Variants in SLC24A2 observed in about 807,000 individuals in gnomAD.
SLC24A2 encodes solute carrier family 24 member 2, also known as sodium/potassium/calcium exchanger 2.
In SLC24A2, 36 loss-of-function variants were observed where a neutral mutation model predicts 62.0. The ratio of observed to expected loss-of-function variants is 0.58; its 90% CI spans 0.44 to 0.77. The LOEUF (loss-of-function observed/expected upper bound fraction) is 0.77. Among genes scored for constraint, SLC24A2 ranks in the 30% least tolerant of loss-of-function variants. SLC24A2 has a pLI of 0.00. For missense variants in SLC24A2, 846 were observed against 817.9 expected, an observed-to-expected ratio of 1.03 and a Z score of -0.42; for synonymous variants, 358 against 294.0, an observed-to-expected ratio of 1.22 and a Z score of -2.23.
chr9:20,245,747 C>A, the SLC24A2 span, among the ~76,000 whole-genome samples: 3 of 152,150 alleles, frequency 2.0e-5, 1 homozygote, highest in Admixed American at 2.0e-4. Flanking sequence ...AGATGGTAAA[C>A]TTAACAACAA....
intron 2 of SLC24A2, among the ~76,000 whole-genome samples, chr9:19,653,576 A>T (rs894372739): frequency 6.6e-6 from 1 of 152,216 alleles, no homozygotes; most frequent in Non-Finnish European, 1.5e-5. Flanking sequence ...TACTGAAGTT[A>T]CCCAAATGGC....
chr9:20,046,432 G>A, the SLC24A2 span, among the ~76,000 whole-genome samples: 2 of 152,202 alleles, frequency 1.3e-5, no homozygotes, highest in African/African-American at 2.4e-5. Context: ...CAATGCCAAG[G>A]GCTTTTTTAT....
the SLC24A2 span, among the ~76,000 whole-genome samples, chr9:20,078,497 G>A: frequency 6.6e-6 from 1 of 152,118 alleles, no homozygotes; most frequent in Non-Finnish European, 1.5e-5. Context: ...AGATGGTCAG[G>A]TTTATCTTGT....
chr9:19,771,812 T>C (rs1001426737), intron 2 of SLC24A2, among the ~76,000 whole-genome samples: 1 of 152,208 alleles, frequency 6.6e-6, no homozygotes, highest in Non-Finnish European at 1.5e-5. Context: ...ATTACTGCTA[T>C]TGTTATTTTT....
chr9:19,955,844 T>C, the SLC24A2 span, among the ~76,000 whole-genome samples: 1 of 152,194 alleles, frequency 6.6e-6, no homozygotes. Context: ...TCTTCTTTTC[T>C]TAAAAAAAAC....
chr9:19,597,998 T>C (rs987534564), intron 4 of SLC24A2, among the ~76,000 whole-genome samples: 1 of 152,100 alleles, frequency 6.6e-6, no homozygotes, highest in Non-Finnish European at 1.5e-5. Context: ...GTACACATCA[T>C]CAATGGACTC....
chr9:20,248,260 T>C, the SLC24A2 span, among the ~76,000 whole-genome samples: 1 of 152,238 alleles, frequency 6.6e-6, no homozygotes, highest in Non-Finnish European at 1.5e-5. Flanking sequence ...ATGGATTTTA[T>C]ACATCGAGGA....
chr9:19,990,834 G>T, the SLC24A2 span, among the ~76,000 whole-genome samples: 1 of 134,920 alleles, frequency 7.4e-6, no homozygotes, highest in Non-Finnish European at 1.6e-5. Context: ...TTGTTACCTA[G>T]TAGCTGTCTT....
chr9:19,996,913 T>G, the SLC24A2 span, among the ~76,000 whole-genome samples: 1 of 151,884 alleles, frequency 6.6e-6, no homozygotes, highest in Non-Finnish European at 1.5e-5. Flanking sequence ...GCAACATTAT[T>G]AGATTTGAAT....
intron 2 of SLC24A2, among the ~76,000 whole-genome samples, chr9:19,715,176 T>C (rs952136177): frequency 6.6e-5 from 10 of 152,184 alleles, no homozygotes; most frequent in African/African-American, 2.2e-4. Context: ...TTGAACAGAA[T>C]TATAGATACC....
chr9:19,864,281 C>T, the SLC24A2 span, among the ~76,000 whole-genome samples: 1 of 151,672 alleles, frequency 6.6e-6, no homozygotes, highest in African/African-American at 2.4e-5. Flanking sequence ...TAAAACTATT[C>T]CAAAAAATAG....
the SLC24A2 span, among the ~76,000 whole-genome samples, chr9:20,061,307 C>T: frequency 6.7e-6 from 1 of 149,614 alleles, no homozygotes; most frequent in African/African-American, 2.5e-5. Context: ...TTTTTTGAGA[C>T]AGAGTCTCAC....
At chr9:19,925,150 C>T in the SLC24A2 span, among the ~76,000 whole-genome samples, 2 of 152,216 alleles carry the variant, frequency 1.3e-5, no homozygotes, top group East Asian at 3.9e-4. Flanking sequence ...CACAGATGTG[C>T]TGTAGAACAA....
intron 2 of SLC24A2, among the ~76,000 whole-genome samples, chr9:19,643,563 A>G (rs1285356763): frequency 1.3e-5 from 2 of 152,204 alleles, no homozygotes; most frequent in African/African-American, 4.8e-5. Flanking sequence ...CAGATGATGG[A>G]GAAGGGCTTA....
chr9:20,196,070 A>G, the SLC24A2 span, among the ~76,000 whole-genome samples: 1 of 152,216 alleles, frequency 6.6e-6, no homozygotes, highest in South Asian at 2.1e-4. Flanking sequence ...ACGTTCATCT[A>G]TGACAAAGCT....
At chr9:20,177,602 G>A in the SLC24A2 span, among the ~76,000 whole-genome samples, 1 of 152,066 alleles carries the variant, frequency 6.6e-6, no homozygotes, top group Non-Finnish European at 1.5e-5. Flanking sequence ...CAAGATTGGG[G>A]AACCAAAGTG....
intron 8 of SLC24A2, among the ~76,000 whole-genome samples, chr9:19,531,618 T>C (rs1028731572): frequency 6.6e-6 from 1 of 152,122 alleles, no homozygotes; most frequent in East Asian, 1.9e-4. Context: ...GCTATATCCT[T>C]ACTGATTTAA....
At chr9:20,097,547 A>G in the SLC24A2 span, among the ~76,000 whole-genome samples, 2 of 152,118 alleles carry the variant, frequency 1.3e-5, no homozygotes, top group Admixed American at 1.3e-4. Flanking sequence ...CTAAGTTCTT[A>G]TAACTCTGAA....
At chr9:19,754,931 C>T (rs1389601019) in intron 2 of SLC24A2, among the ~76,000 whole-genome samples, 1 of 152,086 alleles carries the variant, frequency 6.6e-6, no homozygotes, top group Non-Finnish European at 1.5e-5. Flanking sequence ...TTATAAGCAT[C>T]CAATTCCTAC....
Sources: gnomAD v4.1 joint callset for allele counts (sites outside exome capture counted in the v4.1 genomes callset) on GRCh38, gnomAD v4.1.1 for gene constraint, MANE v1.5 for transcripts, NCBI Gene and HGNC (gene_info 2026-07-23, HGNC 2026-07-21) for gene names.